Variants in RHOBTB2 observed in about 807,000 individuals in gnomAD.
The protein encoded by RHOBTB2 is rho-related BTB domain-containing protein 2.
RHOBTB2 carries 39 observed loss-of-function variants against 66.5 expected under a neutral mutation model. That is an observed-to-expected ratio of 0.59 (90% CI 0.45 to 0.77). The LOEUF (loss-of-function observed/expected upper bound fraction) is 0.77. Ranked by LOEUF, RHOBTB2 falls within the 30% of genes least tolerant of loss-of-function variation. RHOBTB2 has a pLI of 0.00. For missense variants in RHOBTB2, 755 were observed against 999.1 expected (o/e 0.76, Z 3.29); for synonymous variants, 390 against 395.0 (o/e 0.99, Z 0.15).
At chr8:23,013,491 T>G (rs1811204784) in intron 7 of RHOBTB2, among the ~76,000 whole-genome samples, 1 of 151,984 alleles carries the variant, frequency 6.6e-6, no homozygotes, top group Non-Finnish European at 1.5e-5. Context: ...TTTGCATTAT[T>G]TTTTACTTTT....
the RHOBTB2 span, among the ~76,000 whole-genome samples, chr8:22,962,348 T>C: frequency 6.6e-6 from 1 of 152,046 alleles, no homozygotes; most frequent in Admixed American, 6.6e-5. Context: ...ATATGGGATA[T>C]TTTATTTTAC....
chr8:22,981,965 G>T, the RHOBTB2 span, among the ~76,000 whole-genome samples: 1 of 152,196 alleles, frequency 6.6e-6, no homozygotes, highest in Non-Finnish European at 1.5e-5. Flanking sequence ...CCGATACCAG[G>T]CGCCCCTACC....
upstream of RHOBTB2, among the ~76,000 whole-genome samples, chr8:22,995,378 G>A (rs1810521347): frequency 6.6e-6 from 1 of 152,240 alleles, no homozygotes; most frequent in South Asian, 2.1e-4. Context: ...AGAACCCAAT[G>A]ATAGATTGGT....
chr8:22,997,134 G>A (rs79244511), upstream of RHOBTB2, among the ~76,000 whole-genome samples: 7,930 of 152,144 alleles, frequency 0.052, 662 homozygotes, highest in African/African-American at 0.18. Flanking sequence ...GGCCTGAGGA[G>A]GAGGTCTGCA....
the RHOBTB2 span, among the ~76,000 whole-genome samples, chr8:22,957,126 C>T: frequency 0.22 from 33,183 of 151,846 alleles, 4,453 homozygotes; most frequent in East Asian, 0.41. Context: ...AGATACCTTG[C>T]AGAACTCTTC....
At chr8:22,952,245 C>T in the RHOBTB2 span, among the ~76,000 whole-genome samples, 1 of 152,076 alleles carries the variant, frequency 6.6e-6, no homozygotes, top group African/African-American at 2.4e-5. Flanking sequence ...ATTGTACAAC[C>T]TAGTTCTGCT....
At chr8:22,960,133 A>G in the RHOBTB2 span, among the ~76,000 whole-genome samples, 1 of 150,766 alleles carries the variant, frequency 6.6e-6, no homozygotes, top group South Asian at 2.2e-4. Context: ...CAGTGAGCTG[A>G]GATCACGGCA....
rs61759910 is a variant in RHOBTB2 at position 23,004,524 on chromosome 8, C to A, written c.90C>A (p.Leu30=). 2,640 of 1,614,226 alleles carry A rather than the reference C, an allele frequency of 1.6e-3. 36 individuals are homozygous for A. In the African/African-American group the frequency reaches 0.025, roughly 15 times the overall value. The change falls in exon 2 of 10, where the codon CTC becomes CTA. Residue 30 remains leucine (L), a synonymous_variant. Coordinates refer to ENST00000251822, the MANE Select transcript of RHOBTB2 (RefSeq NM_015178.3). This position sits in a 1 kb window ranked among gnomAD's most constrained non-coding sequence, Gnocchi z 6.4. ...VGDNAVGKTR[L]ICARACNATL... ...ACAACGCCGTGGGTAAGACCAGGCT[C>A]ATCTGTGCCCGCGCTTGCAATGCCA... is the stretch of plus-strand genomic sequence containing the variant.
upstream of RHOBTB2, among the ~76,000 whole-genome samples, chr8:22,985,797 C>T (rs1035808511): frequency 6.6e-5 from 10 of 152,204 alleles, no homozygotes; most frequent in Non-Finnish European, 1.5e-4. Context: ...CCTGGCCAGC[C>T]GTTCCTCTGC....
chr8:22,997,657 T>C (rs75068339), upstream of RHOBTB2, among the ~76,000 whole-genome samples: 7,937 of 152,158 alleles, frequency 0.052, 664 homozygotes, highest in African/African-American at 0.18. Context: ...CTTCATGACT[T>C]TGGGTGGACG....
the RHOBTB2 span, among the ~76,000 whole-genome samples, chr8:22,968,179 G>A: frequency 6.6e-6 from 1 of 151,378 alleles, no homozygotes; most frequent in Non-Finnish European, 1.5e-5. Flanking sequence ...TTGTTAAAAT[G>A]GTAAGTTTTA....
At chr8:22,974,505 GGCCTCT>G in the RHOBTB2 span, among the ~76,000 whole-genome samples, 1 of 152,188 alleles carries the variant, frequency 6.6e-6, no homozygotes, top group East Asian at 1.9e-4. Flanking sequence ...GCGCAGGCCA[GGCCTCT>G]GCCCCATTTC....
At chr8:22,951,460 C>T in the RHOBTB2 span, among the ~76,000 whole-genome samples, 1,300 of 152,122 alleles carry the variant, frequency 8.5e-3, 16 homozygotes, top group African/African-American at 0.029. Flanking sequence ...TGGGTGCAGG[C>T]GGGCTGAATC....
chr8:22,974,245 G>A, the RHOBTB2 span, among the ~76,000 whole-genome samples: 2 of 152,172 alleles, frequency 1.3e-5, no homozygotes, highest in Admixed American at 1.3e-4. Flanking sequence ...TCCAAGCCTG[G>A]GTTACATAAC....
chr8:22,970,990 T>C, the RHOBTB2 span, among the ~76,000 whole-genome samples: 1 of 152,160 alleles, frequency 6.6e-6, no homozygotes, highest in African/African-American at 2.4e-5. Flanking sequence ...TATCTGTGTT[T>C]CATGGTCCTT....
At chr8:23,010,879 G>A (rs556190713) in intron 7 of RHOBTB2, among the ~76,000 whole-genome samples, 191 bp downstream of exon 7, 2 of 152,328 alleles carry the variant, frequency 1.3e-5, no homozygotes, top group Non-Finnish European at 2.9e-5. Context: ...GTGGTGCGGG[G>A]CATGTTTGAT....
chr8:23,015,824 C>T (rs1228066747), intron 9 of RHOBTB2, 81 bp downstream of exon 9: 20 of 990,818 alleles, frequency 2.0e-5, no homozygotes, highest in South Asian at 5.7e-5. Flanking sequence ...CCAGGGACCC[C>T]GAGGCTGCCA....
the RHOBTB2 span, among the ~76,000 whole-genome samples, chr8:22,954,759 A>G: frequency 6.6e-6 from 1 of 152,212 alleles, no homozygotes; most frequent in African/African-American, 2.4e-5. Flanking sequence ...AGGAAATATG[A>G]CAGAAAAAAA....
At chr8:23,010,083 G>C (rs1002183816) in intron 6 of RHOBTB2, among the ~76,000 whole-genome samples, 3 of 114,920 alleles carry the variant, frequency 2.6e-5, no homozygotes, top group Non-Finnish European at 5.7e-5. Context: ...GTGACCAGAA[G>C]GCCTCCTTCA....
Sources: gnomAD v4.1 joint callset for allele counts (sites outside exome capture counted in the v4.1 genomes callset) on GRCh38, gnomAD v4.1.1 for gene constraint, Gnocchi (gnomAD v3.1) non-coding constraint, MANE v1.5 for transcripts, NCBI Gene and HGNC (gene_info 2026-07-23, HGNC 2026-07-21) for gene names.